ABHD2: variants seen among roughly 807,000 people sequenced by gnomAD.
ABHD2 encodes abhydrolase domain containing 2, acylglycerol lipase.
In ABHD2, 20 loss-of-function variants were observed where a neutral mutation model predicts 48.1. The ratio of observed to expected loss-of-function variants is 0.42; its 90% CI spans 0.29 to 0.60. The LOEUF (loss-of-function observed/expected upper bound fraction) is 0.60. Among genes scored for constraint, ABHD2 ranks in the 20% least tolerant of loss-of-function variants. The pLI is 0.24. For synonymous variants in ABHD2, 209 were observed against 214.2 expected (o/e 0.98, Z 0.21); for missense variants, 405 against 550.9 (o/e 0.74, Z 2.65).
At position 89,198,650 on chromosome 15, in the gene ABHD2, C is replaced by A. The variant is rs999208299; in HGVS notation, c.*3227C>A. On this transcript the variant is annotated 3_prime_UTR_variant, in exon 11 of 11. Transcript: ENST00000352732. The surrounding 1 kb of genome is among the most constrained non-coding windows in gnomAD (Gnocchi z 5.1). ...TTCACATTGGATCGTGGGCAAATCA[C>A]CTCACCTCTCTGAGCCTGTTCCCTC... 2.6e-5 allele frequency: 4 copies of A among 152,354 alleles called. No homozygotes were observed. The highest frequency in any genetic ancestry group is 9.6e-5 in the African/African-American group (4 of 41,586). The allele number at this position is 152,354 out of a possible 1,614,324, so 9.4% of individuals were successfully genotyped here.
chr15:89,079,236 G>A, the ABHD2 span, among the ~76,000 whole-genome samples: 15 of 152,260 alleles, frequency 9.9e-5, no homozygotes, highest in African/African-American at 3.4e-4. This position sits in a 1 kb window ranked among gnomAD's most constrained non-coding sequence, Gnocchi z 4.3. Context: ...CATGTAAAAT[G>A]TAGATTCAGC....
At chr15:89,187,888 GC>G (rs2051237881) in intron 7 of ABHD2, among the ~76,000 whole-genome samples, 2 of 152,164 alleles carry the variant, frequency 1.3e-5, no homozygotes, top group Non-Finnish European at 2.9e-5. Flanking sequence ...CTACGGCTTG[GC>G]CCATGGCCCA....
At chr15:89,153,943 T>C (rs2050631879) in intron 4 of ABHD2, among the ~76,000 whole-genome samples, 1 of 152,230 alleles carries the variant, frequency 6.6e-6, no homozygotes, top group East Asian at 1.9e-4. Context: ...AATGTGGTCA[T>C]ATTATAATTA....
the ABHD2 span, among the ~76,000 whole-genome samples, chr15:89,056,813 C>G: frequency 6.6e-6 from 1 of 151,744 alleles, no homozygotes; most frequent in Non-Finnish European, 1.5e-5. Context: ...CAATAGCAAT[C>G]TCTACCTGTC....
At chr15:89,065,492 A>G in the ABHD2 span, among the ~76,000 whole-genome samples, 1 of 152,066 alleles carries the variant, frequency 6.6e-6, no homozygotes, top group East Asian at 1.9e-4. Context: ...TTTTCCTGAC[A>G]GTCTGTAGCT....
Position 89,135,877 on chromosome 15 carries a change from A to G in ABHD2, c.195-15800A>G, listed in dbSNP as rs2050301565. Reference sequence around the variant, plus strand: ...ACAGAACAGAACAGGACAGAACAGAACAGGAAGAAGGCCGAAGGAGGCCTC... The same window carrying G: ...ACAGAACAGAACAGGACAGAACAGAGCAGGAAGAAGGCCGAAGGAGGCCTC... On this transcript the variant is annotated intron_variant, in intron 3 of 10. Transcript: ENST00000352732. 5 of 666,724 alleles carry G rather than the reference A, an allele frequency of 7.5e-6. No individual in the cohort carries two copies. The South Asian group carries it at 8.7e-5, about 12-fold the overall frequency. The allele number at this position is 666,724 out of a possible 1,614,324, so 41.3% of individuals were successfully genotyped here.
chr15:89,050,878 A>G, the ABHD2 span, among the ~76,000 whole-genome samples: 2 of 152,018 alleles, frequency 1.3e-5, no homozygotes, highest in East Asian at 1.9e-4. Context: ...CCTTTTTGAG[A>G]ATGATCTACT....
intron 7 of ABHD2, among the ~76,000 whole-genome samples, chr15:89,187,013 T>G (rs1188480428): frequency 6.6e-6 from 1 of 152,174 alleles, no homozygotes; most frequent in Non-Finnish European, 1.5e-5. Flanking sequence ...GCTCATGTTG[T>G]TTGAGATTCA....
rs2050965953 is a variant in ABHD2, at chr15:89,173,730, G to C, written c.539-2082G>C. ...GGCCCATTCAGAGGCCTTGTCATCA[G>C]AATCCACTCAATTCAGCAACTCTTT... is the stretch of plus-strand genomic sequence containing the variant. On this transcript the variant is annotated intron_variant, in intron 5 of 10. Coordinates refer to ENST00000352732, the MANE Select transcript of ABHD2 (RefSeq NM_152924.5). The surrounding 1 kb of genome is among the most constrained non-coding windows in gnomAD (Gnocchi z 6.5). Among the ~76,000 whole-genome samples, 1 of 152,160 alleles carries C rather than the reference G, an allele frequency of 6.6e-6. No homozygotes were observed. The highest frequency in any genetic ancestry group is 1.9e-4 in the East Asian group (1 of 5,204).
chr15:89,155,586 T>A lies in ABHD2; in HGVS notation c.538+52T>A. 1.3e-6 allele frequency: 2 copies of A among 1,571,302 alleles called. No homozygotes were observed. Among genetic ancestry groups the A allele is most frequent in the Non-Finnish European group, 1.7e-6 (2 of 1,154,850 alleles). Reference sequence around the variant, plus strand: ...CTTTTTCTGCAAGTGTGCTACTACTTCTGCTTCTGCCTTGTTTTTTCTTTT... The same window carrying A: ...CTTTTTCTGCAAGTGTGCTACTACTACTGCTTCTGCCTTGTTTTTTCTTTT... On this transcript the variant is annotated intron_variant, in intron 5 of 10. Coordinates refer to ENST00000352732, the MANE Select transcript of ABHD2 (RefSeq NM_152924.5). The surrounding 1 kb of genome is among the most constrained non-coding windows in gnomAD (Gnocchi z 4.9).
At position 89,188,443 on chromosome 15, in the gene ABHD2, A is replaced by G; in HGVS notation, c.926+140A>G. 1.6e-6 allele frequency: 1 copy of G among 631,574 alleles called. No individual in the cohort carries two copies. Among genetic ancestry groups the G allele is most frequent in the East Asian group, 2.7e-5 (1 of 36,394 alleles). 39.1% of individuals were successfully genotyped at this position (631,574 alleles called of 1,614,324 possible). A position where few individuals can be genotyped will look rare whatever the true frequency, so the allele number is the denominator to read the frequency against. ...TTTTTTTCCCTTTAAGTAAGTGTCTAGTGCTTAAAAACAGAAGATTTCACA... is the reference window on the plus strand; with the variant it reads ...TTTTTTTCCCTTTAAGTAAGTGTCTGGTGCTTAAAAACAGAAGATTTCACA... On this transcript the variant is annotated intron_variant, in intron 8 of 10. Coordinates refer to ENST00000352732, the MANE Select transcript of ABHD2 (RefSeq NM_152924.5). The surrounding 1 kb of genome is among the most constrained non-coding windows in gnomAD (Gnocchi z 4.1).
Position 89,120,384 on chromosome 15 carries a change from A to C in ABHD2, c.194+3863A>C, listed in dbSNP as rs563631352. Among the ~76,000 whole-genome samples, 74 of 152,366 alleles carry C rather than the reference A, an allele frequency of 4.9e-4. No homozygotes were observed. Among genetic ancestry groups the C allele is most frequent in the African/African-American group, 1.5e-3 (61 of 41,592 alleles). On this transcript the variant is annotated intron_variant, in intron 3 of 10. Coordinates refer to ENST00000352732, the MANE Select transcript of ABHD2 (RefSeq NM_152924.5). The surrounding 1 kb of genome is among the most constrained non-coding windows in gnomAD (Gnocchi z 4.2). The stretch of plus-strand genomic sequence containing the variant: ...TTATGACAAAAATCTAGATAGTCAT[A>C]CAAATCTTTTTTTTTCAATAAAAAC...
At chr15:89,084,402 C>T (rs964275626), upstream of ABHD2, among the ~76,000 whole-genome samples, 1 of 152,086 alleles carries the variant, frequency 6.6e-6, no homozygotes, top group Non-Finnish European at 1.5e-5. This position sits in a 1 kb window ranked among gnomAD's most constrained non-coding sequence, Gnocchi z 4.4. Context: ...TAGGTTCAAG[C>T]GATTCTCCTG....
Position 89,155,460 on chromosome 15 carries a change from A to G in ABHD2, c.464A>G (p.Tyr155Cys). 1 of 1,614,196 alleles carries G rather than the reference A, an allele frequency of 6.2e-7. No individual in the cohort carries two copies. Among genetic ancestry groups the G allele is most frequent in the Non-Finnish European group, 8.5e-7 (1 of 1,180,026 alleles). The change falls in exon 5 of 11, where the codon TAT becomes TGT. Residue 155 changes from tyrosine (Y) to cysteine (C), a missense_variant. Coordinates refer to ENST00000352732, the MANE Select transcript of ABHD2 (RefSeq NM_152924.5). The surrounding 1 kb of genome is among the most constrained non-coding windows in gnomAD (Gnocchi z 4.9). ...TFVDYAQKNG[Y>C]RCAVLNHLGA... The stretch of plus-strand genomic sequence containing the variant: ...GTTGACTACGCCCAGAAAAATGGCT[A>G]TCGGTGCGCCGTGCTGAACCACCTG...
intron 3 of ABHD2, among the ~76,000 whole-genome samples, chr15:89,129,580 G>A (rs1380517015): frequency 2.0e-5 from 3 of 152,154 alleles, no homozygotes; most frequent in African/African-American, 7.2e-5. Flanking sequence ...CCCTAAGATT[G>A]AGAGGGTAAA....
chr15:89,130,312 C>G (rs2050198964), intron 3 of ABHD2, among the ~76,000 whole-genome samples: 1 of 152,168 alleles, frequency 6.6e-6, no homozygotes, highest in South Asian at 2.1e-4. Flanking sequence ...AGGACCCCAG[C>G]TGATGGAGGT....
chr15:89,051,810 T>C, the ABHD2 span, among the ~76,000 whole-genome samples: 1 of 152,190 alleles, frequency 6.6e-6, no homozygotes, highest in Non-Finnish European at 1.5e-5. Flanking sequence ...ACCTCTTTCC[T>C]TTATAAATTA....
intron 1 of ABHD2, among the ~76,000 whole-genome samples, chr15:89,099,051 T>A (rs1219674443): frequency 6.6e-6 from 1 of 151,988 alleles, no homozygotes; most frequent in African/African-American, 2.4e-5. Context: ...ACAGGGAGGG[T>A]CCCTGGTCCT....
intron 3 of ABHD2, among the ~76,000 whole-genome samples, chr15:89,121,149 C>G (rs1338843486): frequency 6.6e-6 from 1 of 152,202 alleles, no homozygotes; most frequent in Admixed American, 6.5e-5. Context: ...AACTAGGATG[C>G]AAACCTAGGT....
Sources: allele counts gnomAD v4.1 joint callset (sites outside exome capture counted in the v4.1 genomes callset), GRCh38; gene constraint gnomAD v4.1.1; non-coding constraint Gnocchi (gnomAD v3.1); transcripts MANE v1.5; gene names NCBI Gene and HGNC (gene_info 2026-07-23, HGNC 2026-07-21).